Variants in PCDHGA8 observed in about 807,000 individuals in gnomAD.
PCDHGA8 encodes the protein protocadherin gamma-A8.
Under a neutral mutation model 59.2 loss-of-function variants are expected in PCDHGA8, and 45 were observed. The observed-to-expected ratio is 0.76, with a 90% confidence interval of 0.60 to 0.98. The LOEUF is 0.98. Among genes scored for constraint, PCDHGA8 ranks in the 50% least tolerant of loss-of-function variants. The pLI is 0.00. For synonymous variants in PCDHGA8, 531 were observed against 519.0 expected (o/e 1.02, Z -0.32); for missense variants, 1,257 against 1,196.2 (o/e 1.05, Z -0.75).
intron 1 of PCDHGA8, chr5:141,421,637 A>T: frequency 6.2e-7 from 1 of 1,613,810 alleles, no homozygotes; most frequent in Non-Finnish European, 8.5e-7. Flanking sequence ...TTCCAGGAGG[A>T]CGAAGTGGAG....
In PCDHGA8 at chr5:141,491,257, G is replaced by A. The variant is rs754721047; in HGVS notation, c.2425-3550G>A. 2 of 1,614,170 alleles carry A rather than the reference G, an allele frequency of 1.2e-6. No individual in the cohort carries two copies. The highest frequency in any genetic ancestry group is 3.3e-5 in the Admixed American group (2 of 60,020). On this transcript the variant is annotated intron_variant, in intron 1 of 3. Coordinates refer to ENST00000398604, the MANE Select transcript of PCDHGA8 (RefSeq NM_032088.2). This position sits in a 1 kb window ranked among gnomAD's most constrained non-coding sequence, Gnocchi z 6.9. ...GGTTCTGGAGGATGAGGACCCTGAG[G>A]AAATGCCCAAATCCAGTGACTTCCT... is the stretch of plus-strand genomic sequence containing the variant.
chr5:141,420,993 C>T (rs956578377), intron 1 of PCDHGA8: 2 of 501,412 alleles, frequency 4.0e-6, no homozygotes, highest in Non-Finnish European at 7.0e-6. Context: ...GGCGCCGCTG[C>T]TCACCAATCA....
At chr5:141,461,133 T>C (rs2099009646) in intron 1 of PCDHGA8, among the ~76,000 whole-genome samples, 1 of 152,086 alleles carries the variant, frequency 6.6e-6, no homozygotes, top group South Asian at 2.1e-4. Flanking sequence ...TAATTACTTA[T>C]TTTCCTTTGG....
In PCDHGA8 at chr5:141,476,299, C is replaced by T; in HGVS notation, c.2425-18508C>T. ...ACCTTGGTTTGGATCTCGGTAGCCT[C>T]TCAGCCCGCAGGTTCCGGGTGGTGT... On this transcript the variant is annotated intron_variant, in intron 1 of 3. Transcript: ENST00000398604. The surrounding 1 kb of genome is among the most constrained non-coding windows in gnomAD (Gnocchi z 7.6). The T allele has an allele frequency of 6.2e-7, 1 of 1,614,100 alleles. No individual in the cohort carries two copies. The highest frequency in any genetic ancestry group is 1.1e-5 in the South Asian group (1 of 91,074).
chr5:141,433,299 T>G, intron 1 of PCDHGA8: 1 of 995,012 alleles, frequency 1.0e-6, no homozygotes, highest in Non-Finnish European at 1.5e-6. Flanking sequence ...GCTCAAGCAA[T>G]TATCCCACCT....
intron 2 of PCDHGA8, among the ~76,000 whole-genome samples, chr5:141,502,989 G>A (rs140974023): frequency 0.024 from 3,652 of 150,590 alleles, 56 homozygotes; most frequent in East Asian, 0.043. Context: ...GATTACAGGC[G>A]TGTGCCACCA....
chr5:141,477,037 G>A lies in PCDHGA8; in HGVS notation c.2425-17770G>A. ...TTGTAACCGGGATGCTGACAATCAAGGGTCGGCTGGACTTCGAGGACACCA... is the reference window on the plus strand; with the variant it reads ...TTGTAACCGGGATGCTGACAATCAAAGGTCGGCTGGACTTCGAGGACACCA... On this transcript the variant is annotated intron_variant, in intron 1 of 3. Coordinates refer to ENST00000398604, the MANE Select transcript of PCDHGA8 (RefSeq NM_032088.2). This position sits in a 1 kb window ranked among gnomAD's most constrained non-coding sequence, Gnocchi z 4.9. 6.2e-7 allele frequency: 1 copy of A among 1,614,266 alleles called. No individual in the cohort carries two copies. The highest frequency in any genetic ancestry group is 8.5e-7 in the Non-Finnish European group (1 of 1,180,052).
chr5:141,401,546 ATGCTATT>A (rs1372970930), intron 1 of PCDHGA8, among the ~76,000 whole-genome samples: 1 of 152,214 alleles, frequency 6.6e-6, no homozygotes, highest in African/African-American at 2.4e-5. Context: ...AAAAAAGGAA[ATGCTATT>A]GCCTGAATTT....
chr5:141,410,333 A>G lies in PCDHGA8; in HGVS notation c.2424+15096A>G, dbSNP rs774436706. 4.7e-5 allele frequency: 76 copies of G among 1,613,666 alleles called. No individual in the cohort carries two copies. Among genetic ancestry groups the G allele is most frequent in the Non-Finnish European group, 4.0e-5 (47 of 1,179,884 alleles). ...CTTCCTCCTCGCCGTGATTCTGGCC[A>G]TTGCCTTGCGCCTGCGACGCTCTCT... On this transcript the variant is annotated intron_variant, in intron 1 of 3. Transcript: ENST00000398604.
At chr5:141,468,931 G>A (rs1321821773) in intron 1 of PCDHGA8, among the ~76,000 whole-genome samples, 2 of 148,600 alleles carry the variant, frequency 1.3e-5, no homozygotes, top group Non-Finnish European at 3.0e-5. Flanking sequence ...GCACTAAAAT[G>A]GGAGATGGGG....
intron 1 of PCDHGA8, chr5:141,478,531 C>G (rs771145308): frequency 1.2e-6 from 2 of 1,608,190 alleles, no homozygotes; most frequent in East Asian, 2.2e-5. Context: ...GTGCAGAGAG[C>G]GCCCCTCCCG....
chr5:141,485,661 G>A lies in PCDHGA8; in HGVS notation c.2425-9146G>A. On this transcript the variant is annotated intron_variant, in intron 1 of 3. Transcript: ENST00000398604. This position sits in a 1 kb window ranked among gnomAD's most constrained non-coding sequence, Gnocchi z 5.7. ...GAAAAGGCTCAGGATGCAGATGTGGGGAGCAATTCGATTAGCAGCTATAGG... is the reference window on the plus strand; with the variant it reads ...GAAAAGGCTCAGGATGCAGATGTGGAGAGCAATTCGATTAGCAGCTATAGG... 2 of 1,612,678 alleles carry A rather than the reference G, an allele frequency of 1.2e-6. No individual in the cohort carries two copies. Among genetic ancestry groups the A allele is most frequent in the Non-Finnish European group, 1.7e-6 (2 of 1,178,884 alleles).
At position 141,489,295 on chromosome 5, in the gene PCDHGA8, T is replaced by C. The variant is rs2099685128; in HGVS notation, c.2425-5512T>C. 1.3e-6 allele frequency: 2 copies of C among 1,581,054 alleles called. No individual in the cohort carries two copies. The highest frequency in any genetic ancestry group is 1.7e-5 in the Admixed American group (1 of 57,148). ...TGGGAAATGGCAAGTGCTGTGCATG[T>C]TGTCCTTGTGCTGCTGGGGCTGGGT... On this transcript the variant is annotated intron_variant, in intron 1 of 3. Transcript: ENST00000398604. The surrounding 1 kb of genome is among the most constrained non-coding windows in gnomAD (Gnocchi z 4.5).
rs1293684074 is a variant in PCDHGA8 at position 141,512,899 on chromosome 5, C to T, written c.*1726C>T. On this transcript the variant is annotated 3_prime_UTR_variant, in exon 4 of 4. Transcript: ENST00000398604. ...CCCACCCCACCCTCTTCCTGTGTCT[C>T]ACGCAAGTTTTATACTCTAATATTT... 1 of 152,260 alleles carries T rather than the reference C, an allele frequency of 6.6e-6. No homozygotes were observed. Among genetic ancestry groups the T allele is most frequent in the Non-Finnish European group, 1.5e-5 (1 of 68,064 alleles). 9.4% of individuals were successfully genotyped at this position (152,260 alleles called of 1,614,324 possible). A position where few individuals can be genotyped will look rare whatever the true frequency, so the allele number is the denominator to read the frequency against.
chr5:141,412,973 C>G, intron 1 of PCDHGA8: 1 of 528,318 alleles, frequency 1.9e-6, no homozygotes, highest in Non-Finnish European at 3.3e-6. Flanking sequence ...GGAGAGAAAA[C>G]GCAGCCAGAG....
rs115568443 is a variant in PCDHGA8 at position 141,439,423 on chromosome 5, A to G, written c.2424+44186A>G. On this transcript the variant is annotated intron_variant, in intron 1 of 3. Coordinates refer to ENST00000398604, the MANE Select transcript of PCDHGA8 (RefSeq NM_032088.2). ...TGTGCTAACATCACTGAGGTTATAA[A>G]TTCCCAGGAATATTTTATTGCGGGA... 1.0e-2 allele frequency among the ~76,000 whole-genome samples: 1,522 copies of G among 152,306 alleles called. 34 individuals carry two copies. Among genetic ancestry groups the G allele is most frequent in the African/African-American group, 0.034 (1,425 of 41,558 alleles).
intron 1 of PCDHGA8, chr5:141,409,619 C>A: frequency 6.2e-7 from 1 of 1,613,898 alleles, no homozygotes; most frequent in Non-Finnish European, 8.5e-7. Flanking sequence ...CTCCATTGCG[C>A]AAGTGAGCGC....
intron 2 of PCDHGA8, among the ~76,000 whole-genome samples, chr5:141,499,029 A>G (rs140948405): frequency 1.5e-3 from 205 of 140,068 alleles, no homozygotes; most frequent in African/African-American, 5.5e-3. Context: ...AGGAAGGAAG[A>G]AAAGAAAGAA....
rs994324285 is a variant in PCDHGA8 at position 141,455,094 on chromosome 5, G to A, written c.2425-39713G>A. Among the ~76,000 whole-genome samples the A allele has an allele frequency of 3.3e-5, 5 of 152,104 alleles. No individual in the cohort carries two copies. In the Middle Eastern group the frequency reaches 0.014, roughly 414 times the overall value. ...CCCAAAGTGCTGGGATTACAGGCTT[G>A]AGCCACTGCGCCCGGTGGGTCTAAT... On this transcript the variant is annotated intron_variant, in intron 1 of 3. Coordinates refer to ENST00000398604, the MANE Select transcript of PCDHGA8 (RefSeq NM_032088.2).
Sources: allele counts gnomAD v4.1 joint callset (sites outside exome capture counted in the v4.1 genomes callset), GRCh38; gene constraint gnomAD v4.1.1; non-coding constraint Gnocchi (gnomAD v3.1); transcripts MANE v1.5; gene names NCBI Gene and HGNC (gene_info 2026-07-23, HGNC 2026-07-21).